The following MEMO1 variants were observed in gnomAD, a reference collection of about 807,000 sequenced individuals.
The protein encoded by MEMO1 is mediator of cell motility 1.
In MEMO1, 6 loss-of-function variants were observed where a neutral mutation model predicts 45.2. The observed-to-expected ratio is 0.13, with a 90% CI of 0.07 to 0.26. The LOEUF is 0.26. MEMO1 is among the 10% of genes least tolerant of loss of function. The pLI, the probability that MEMO1 is intolerant of heterozygous loss-of-function variation, is 1.00. For synonymous variants in MEMO1, 78 were observed against 124.3 expected (o/e 0.63, Z 2.48); for missense variants, 184 against 370.5 (o/e 0.50, Z 4.13).
rs2064815 is a variant in MEMO1 at position 31,902,340 on chromosome 2, C to T, written c.438-10206G>A. On this transcript the variant is annotated intron_variant, in intron 6 of 9. Coordinates refer to ENST00000404530, the MANE Select transcript of MEMO1 (RefSeq NM_001301833.4). ...TTGAACCTGGGAGGTGGAGGTTGCG[C>T]TGAGCCGAGATCATGCCACTGCACT... 4.2e-3 allele frequency among the ~76,000 whole-genome samples: 632 copies of T among 151,178 alleles called. 9 individuals are homozygous for T. The highest frequency in any genetic ancestry group is 0.014 in the African/African-American group (596 of 41,154).
At chr2:31,923,671 G>A (rs1184251375) in intron 4 of MEMO1, 3 of 1,547,214 alleles carry the variant, frequency 1.9e-6, no homozygotes, top group Non-Finnish European at 2.6e-6. Flanking sequence ...GCATTTTTCT[G>A]ATTGAGGAAA....
intron 2 of MEMO1, among the ~76,000 whole-genome samples, chr2:31,955,616 T>C (rs1382945633): frequency 6.6e-6 from 1 of 152,234 alleles, no homozygotes; most frequent in Non-Finnish European, 1.5e-5. Flanking sequence ...TTCTTTTTTT[T>C]TCTTTTTTTG....
intron 6 of MEMO1, among the ~76,000 whole-genome samples, chr2:31,908,170 A>G (rs1351029719): frequency 1.3e-5 from 2 of 152,220 alleles, no homozygotes; most frequent in Non-Finnish European, 2.9e-5. Context: ...TCAGATTTGT[A>G]AATGTCTACC....
At chr2:32,001,230 G>A (rs1026208447) in intron 2 of MEMO1, among the ~76,000 whole-genome samples, 4 of 151,388 alleles carry the variant, frequency 2.6e-5, no homozygotes, top group African/African-American at 4.9e-5. Context: ...TAGTAGAGAC[G>A]GGGTTTCACC....
At chr2:31,963,219 T>C (rs1177099990) in intron 2 of MEMO1, 14 of 1,547,816 alleles carry the variant, frequency 9.0e-6, no homozygotes, top group South Asian at 1.2e-5. Context: ...ATCTTGGCAC[T>C]TGTCAGCCCT....
At chr2:31,883,342 G>GA in intron 8 of MEMO1, 44 bp downstream of exon 8, 1 of 1,308,970 alleles carries the variant, frequency 7.6e-7, no homozygotes, top group Non-Finnish European at 1.1e-6. Flanking sequence ...TGAAATTAAA[G>GA]AAAAAGCCTT....
At chr2:31,868,600 T>C in intron 9 of MEMO1, 108 bp from the exon 10 acceptor site, 1 of 1,001,326 alleles carries the variant, frequency 1.0e-6, no homozygotes. Context: ...CTAGATTATC[T>C]CTTTTGCTCT....
At chr2:31,980,561 G>C (rs1670518241) in intron 2 of MEMO1, among the ~76,000 whole-genome samples, 1 of 151,494 alleles carries the variant, frequency 6.6e-6, no homozygotes, top group Non-Finnish European at 1.5e-5. Flanking sequence ...ATTTCACATG[G>C]CTTCCTATCA....
chr2:31,919,571 C>G (rs1558502995), intron 5 of MEMO1, among the ~76,000 whole-genome samples: 1 of 152,080 alleles, frequency 6.6e-6, no homozygotes, highest in Admixed American at 6.6e-5. Context: ...ATAATCCCAG[C>G]ACTTTGGGAG....
intron 8 of MEMO1, among the ~76,000 whole-genome samples, chr2:31,880,130 A>C (rs1349473081): frequency 6.6e-6 from 1 of 152,206 alleles, no homozygotes; most frequent in Non-Finnish European, 1.5e-5. Context: ...TATGTCCTCA[A>C]TACTGCACAG....
Position 31,943,395 on chromosome 2 carries a change from C to T in MEMO1, c.62-12G>A. Reference sequence around the variant, plus strand: ...ATTCAGCTGCGGTCCTATAAAAAGACAAAGACAAAATTAGAGTCAGCAAAG... The same window carrying T: ...ATTCAGCTGCGGTCCTATAAAAAGATAAAGACAAAATTAGAGTCAGCAAAG... On this transcript the variant is annotated splice_polypyrimidine_tract_variant and intron_variant, in intron 2 of 9. Coordinates refer to ENST00000404530, the MANE Select transcript of MEMO1 (RefSeq NM_001301833.4). 6.2e-7 allele frequency: 1 copy of T among 1,605,042 alleles called. No individual in the cohort carries two copies. The highest frequency in any genetic ancestry group is 8.5e-7 in the Non-Finnish European group (1 of 1,171,820).
chr2:31,873,842 T>C (rs1674151911), intron 8 of MEMO1, among the ~76,000 whole-genome samples: 3 of 152,154 alleles, frequency 2.0e-5, no homozygotes, highest in Admixed American at 2.0e-4. Flanking sequence ...CAAGATAAAA[T>C]AGTAACAGTG....
intron 2 of MEMO1, among the ~76,000 whole-genome samples, chr2:32,002,144 CAA>C (rs1156408005): frequency 0.016 from 892 of 55,090 alleles, 6 homozygotes; most frequent in African/African-American, 0.045. Context: ...GACTCTGTCT[CAA>C]AAAAAAAAAA....
chr2:31,970,150 T>A (rs1020450520), intron 2 of MEMO1, among the ~76,000 whole-genome samples: 5 of 151,884 alleles, frequency 3.3e-5, no homozygotes, highest in Non-Finnish European at 5.9e-5. Flanking sequence ...TTTTGTATTT[T>A]TAGTAGAGAT....
At chr2:31,957,104 T>C (rs575169858) in intron 2 of MEMO1, among the ~76,000 whole-genome samples, 1 of 148,460 alleles carries the variant, frequency 6.7e-6, no homozygotes, top group Admixed American at 6.8e-5. Context: ...ATCGTGCCAT[T>C]GCACTCCAGC....
chr2:31,930,802 C>A (rs1227453788), intron 4 of MEMO1, among the ~76,000 whole-genome samples: 1 of 144,694 alleles, frequency 6.9e-6, no homozygotes, highest in Non-Finnish European at 1.5e-5. Flanking sequence ...TGTGCCACCA[C>A]GCCTGGCAAT....
intron 3 of MEMO1, among the ~76,000 whole-genome samples, 178 bp from the exon 4 acceptor site, chr2:31,932,313 T>C (rs1346754512): frequency 6.6e-6 from 1 of 152,212 alleles, no homozygotes; most frequent in Non-Finnish European, 1.5e-5. Flanking sequence ...ACACATGATC[T>C]ATACTGTGTT....
rs375868386 is a variant in MEMO1, at chr2:31,906,332, T to C, written c.437+11594A>G. ...TTGTTTGTTTGTTTGTTTTTGTTTTTGTTTTTTTTGAGATAGAGTCTCGCC... is the reference window on the plus strand; with the variant it reads ...TTGTTTGTTTGTTTGTTTTTGTTTTCGTTTTTTTTGAGATAGAGTCTCGCC... On this transcript the variant is annotated intron_variant, in intron 6 of 9. Coordinates refer to ENST00000404530, the MANE Select transcript of MEMO1 (RefSeq NM_001301833.4). 1.5e-3 allele frequency among the ~76,000 whole-genome samples: 231 copies of C among 151,626 alleles called. 8 individuals carry two copies. The South Asian group carries it at 0.046, about 30-fold the overall frequency.
chr2:31,925,475 CAAAAAAAAAAAA>C (rs70964741), intron 4 of MEMO1, among the ~76,000 whole-genome samples: 30,266 of 79,802 alleles, frequency 0.38, 4,707 homozygotes, highest in East Asian at 0.61. Flanking sequence ...GACTCCGTCT[CAAAAAAAAAAAA>C]AAAAAAAAAA....
Sources: allele counts gnomAD v4.1 joint callset (sites outside exome capture counted in the v4.1 genomes callset), GRCh38; gene constraint gnomAD v4.1.1; transcripts MANE v1.5; gene names NCBI Gene and HGNC (gene_info 2026-07-23, HGNC 2026-07-21).